Variants in MPPED1 observed in about 807,000 individuals in gnomAD.
The protein encoded by MPPED1 is metallophosphoesterase domain containing 1.
In MPPED1, 16 loss-of-function variants were observed where a neutral mutation model predicts 36.2. The observed-to-expected ratio is 0.44, with a 90% CI of 0.30 to 0.67. MPPED1 has a LOEUF of 0.67. MPPED1 is among the 30% of genes least tolerant of loss of function. MPPED1 has a pLI of 0.10. For synonymous variants in MPPED1, 199 were observed against 191.3 expected (o/e 1.04, Z -0.33); for missense variants, 307 against 453.4 (o/e 0.68, Z 2.93).
At chr22:43,445,518 T>C (rs1166866147) in intron 3 of MPPED1, among the ~76,000 whole-genome samples, 4 of 151,684 alleles carry the variant, frequency 2.6e-5, no homozygotes, top group African/African-American at 9.7e-5. Context: ...CTGCCCCCTC[T>C]TGCTGCCATC....
At chr22:43,437,318 G>C (rs762499241) in intron 3 of MPPED1, among the ~76,000 whole-genome samples, 1 of 152,174 alleles carries the variant, frequency 6.6e-6, no homozygotes, top group South Asian at 2.1e-4. Flanking sequence ...TATGTGCTGG[G>C]TGCTGTTCTA....
chr22:43,418,144 G>C (rs1345222349), intron 1 of MPPED1: 1 of 456,268 alleles, frequency 2.2e-6, no homozygotes, highest in South Asian at 1.5e-5. Context: ...CTGCCTTACC[G>C]GCCTGGCACT....
intron 5 of MPPED1, among the ~76,000 whole-genome samples, chr22:43,500,298 GTGGTGA>G (rs1305873385): frequency 1.4e-5 from 2 of 145,394 alleles, no homozygotes; most frequent in Non-Finnish European, 3.0e-5. Flanking sequence ...GGGGGTGGTG[GTGGTGA>G]TGGTGATGGA....
At chr22:43,469,560 ACTC>A (rs1455952627) in intron 3 of MPPED1, among the ~76,000 whole-genome samples, 5 of 146,402 alleles carry the variant, frequency 3.4e-5, no homozygotes, top group African/African-American at 1.4e-4. Context: ...AGAGGAGGAG[ACTC>A]CTCCTGCCCA....
At chr22:43,451,019 T>C (rs1446887596) in intron 3 of MPPED1, among the ~76,000 whole-genome samples, 2 of 142,130 alleles carry the variant, frequency 1.4e-5, no homozygotes, top group Non-Finnish European at 3.1e-5. Context: ...AGCCACTGCA[T>C]CTGGCTTTTT....
rs369997843 is a variant in MPPED1, at chr22:43,425,013, G to A, written c.28G>A (p.Val10Ile). The A allele has an allele frequency of 1.4e-5, 22 of 1,606,720 alleles. No homozygotes were observed. The East Asian group carries it at 1.6e-4, about 12-fold the overall frequency. Residue 10 changes from valine (V) to isoleucine (I), a missense_variant, in exon 2 of 7, where the codon GTC becomes ATC. Val to Ile is a conservative substitution (Grantham distance 29). Transcript: ENST00000443721. The stretch of plus-strand genomic sequence containing the variant: ...GTGGCGCTCTAGGTGGGATGCCAGC[G>A]TCCTGAAGGCGGAGGCCCTGGCCCT... MWRSRWDASVLKAEALALLP... is the reference protein window; with the variant it reads MWRSRWDASILKAEALALLP...
chr22:43,437,691 G>T (rs945532321), intron 3 of MPPED1, among the ~76,000 whole-genome samples: 1 of 152,218 alleles, frequency 6.6e-6, no homozygotes, highest in Non-Finnish European at 1.5e-5. Flanking sequence ...GGGCGGTTAG[G>T]CTCCCCTGCC....
At chr22:43,475,188 G>A (rs1474708048) in intron 4 of MPPED1, among the ~76,000 whole-genome samples, 1 of 152,084 alleles carries the variant, frequency 6.6e-6, no homozygotes, top group Non-Finnish European at 1.5e-5. Context: ...CCTGTGTTAT[G>A]CTATGCTGTA....
rs993888400 is a variant in MPPED1 at position 43,461,210 on chromosome 22, A to G, written c.407-13526A>G. ...GAAACCTCATCTCTAAAAAAAGACA[A>G]GTTCTACAAATGAGGCTTTATATGC... On this transcript the variant is annotated intron_variant, in intron 3 of 6. Coordinates refer to ENST00000443721, the MANE Select transcript of MPPED1 (RefSeq NM_001044370.2). Among the ~76,000 whole-genome samples the G allele has an allele frequency of 2.0e-5, 3 of 152,158 alleles. No individual in the cohort carries two copies. The South Asian group carries it at 6.2e-4, about 32-fold the overall frequency.
intron 2 of MPPED1, among the ~76,000 whole-genome samples, chr22:43,432,727 G>T (rs1462297327): frequency 1.6e-3 from 14 of 8,940 alleles, no homozygotes; most frequent in Non-Finnish European, 7.8e-3. Context: ...GAGAGAGAGA[G>T]AAAGGGAGGA....
rs1462410265 is a variant in MPPED1, at chr22:43,500,187, G to A, written c.748+1837G>A. On this transcript the variant is annotated intron_variant, in intron 5 of 6. Transcript: ENST00000443721. ...GATGGTGATGGAGGTGGTGGTGATG[G>A]TGATGGAGGTGGTAATGGAGGTGGT... Among the ~76,000 whole-genome samples, 69 of 41,424 alleles carry A rather than the reference G, an allele frequency of 1.7e-3. 7 individuals carry two copies. Among genetic ancestry groups the A allele is most frequent in the African/African-American group, 1.8e-3 (8 of 4,482 alleles). The allele number at this position is 41,424 out of a possible 152,430, so 27.2% of individuals were successfully genotyped here. A position where few individuals can be genotyped will look rare whatever the true frequency, so the allele number is the denominator to read the frequency against.
chr22:43,462,140 C>A (rs1188580030), intron 3 of MPPED1, among the ~76,000 whole-genome samples: 1 of 152,186 alleles, frequency 6.6e-6, no homozygotes, highest in Non-Finnish European at 1.5e-5. Context: ...AATTGTGGCC[C>A]AGTTTGCTTT....
intron 1 of MPPED1, among the ~76,000 whole-genome samples, chr22:43,414,463 A>G (rs1184312977): frequency 6.6e-6 from 1 of 152,204 alleles, no homozygotes; most frequent in Non-Finnish European, 1.5e-5. Context: ...CCAAAGTGCA[A>G]TCATCTTTTA....
chr22:43,474,691 G>A lies in MPPED1; in HGVS notation c.407-45G>A. The A allele has an allele frequency of 6.2e-7, 1 of 1,600,584 alleles. No individual in the cohort carries two copies. Among genetic ancestry groups the A allele is most frequent in the Non-Finnish European group, 8.6e-7 (1 of 1,168,958 alleles). On this transcript the variant is annotated intron_variant, in intron 3 of 6. Coordinates refer to ENST00000443721, the MANE Select transcript of MPPED1 (RefSeq NM_001044370.2). The surrounding 1 kb of genome is among the most constrained non-coding windows in gnomAD (Gnocchi z 5.2). Reference sequence around the variant, plus strand: ...CAGCCGTGCTGTGGCTTCTGGACAAGCTGACGGCTGTGTGCTGTGTGTCTG... The same window carrying A: ...CAGCCGTGCTGTGGCTTCTGGACAAACTGACGGCTGTGTGCTGTGTGTCTG...
At chr22:43,482,219 A>T (rs918075028) in intron 4 of MPPED1, among the ~76,000 whole-genome samples, 1 of 152,236 alleles carries the variant, frequency 6.6e-6, no homozygotes. Flanking sequence ...TGATTTAAAA[A>T]AAAGAGTGAG....
At chr22:43,503,297 C>A (rs978621767) in intron 6 of MPPED1, among the ~76,000 whole-genome samples, 2 of 152,214 alleles carry the variant, frequency 1.3e-5, no homozygotes, top group African/African-American at 2.4e-5. Context: ...CCCTAGTAGA[C>A]CTCAGCCATC....
intron 2 of MPPED1, among the ~76,000 whole-genome samples, chr22:43,433,799 GTATT>G (rs1929853929): frequency 6.6e-6 from 1 of 152,082 alleles, no homozygotes; most frequent in Non-Finnish European, 1.5e-5. Flanking sequence ...GTCTTTAAAA[GTATT>G]TATGTAACTG....
intron 1 of MPPED1, among the ~76,000 whole-genome samples, chr22:43,413,152 C>T (rs8135509): frequency 0.19 from 28,262 of 152,130 alleles, 2,944 homozygotes; most frequent in African/African-American, 0.25. Context: ...TTTGCCTTCC[C>T]CCTCCCCATT....
At chr22:43,498,525 T>C (rs959679347) in intron 5 of MPPED1, among the ~76,000 whole-genome samples, 175 bp downstream of exon 5, 18 of 151,934 alleles carry the variant, frequency 1.2e-4, no homozygotes, top group African/African-American at 4.1e-4. Context: ...GAGTGCCCAC[T>C]GAGAGCAGGG....
Sources: gnomAD v4.1 joint callset for allele counts (sites outside exome capture counted in the v4.1 genomes callset) on GRCh38, gnomAD v4.1.1 for gene constraint, Gnocchi (gnomAD v3.1) non-coding constraint, MANE v1.5 for transcripts, NCBI Gene and HGNC (gene_info 2026-07-23, HGNC 2026-07-21) for gene names.